UGT1A10: variants seen among roughly 807,000 people sequenced by gnomAD.
The protein encoded by UGT1A10 is UDP-glucuronosyltransferase 1A10.
In UGT1A10, 49 loss-of-function variants were observed where a neutral mutation model predicts 45.8. That is an observed-to-expected ratio of 1.07 (90% confidence interval 0.85 to 1.36). The LOEUF (loss-of-function observed/expected upper bound fraction) is 1.36, where lower values mean the gene tolerates loss of function less well. Among genes scored for constraint, UGT1A10 ranks in the 40% most tolerant of loss-of-function variants. The pLI is 0.00. For synonymous variants in UGT1A10, 284 were observed against 249.7 expected (o/e 1.14, Z -1.29); for missense variants, 745 against 668.6 (o/e 1.11, Z -1.26).
At chr2:233,747,587 T>C (rs1416788712) in intron 1 of UGT1A10, 8 of 1,579,890 alleles carry the variant, frequency 5.1e-6, no homozygotes, top group Non-Finnish European at 3.5e-6. Context: ...TGGTCTTTCA[T>C]AGGTCTTGTG....
intron 1 of UGT1A10, among the ~76,000 whole-genome samples, chr2:233,735,339 T>G (rs1056442673): frequency 6.6e-6 from 1 of 151,862 alleles, no homozygotes; most frequent in Non-Finnish European, 1.5e-5. Context: ...AACCCCTGCT[T>G]TTTTTTTGCT....
At chr2:233,735,872 G>A (rs1314533195) in intron 1 of UGT1A10, among the ~76,000 whole-genome samples, 1 of 152,196 alleles carries the variant, frequency 6.6e-6, no homozygotes, top group African/African-American at 2.4e-5. Context: ...TTTCTGCAGA[G>A]AGATCTGCTG....
At chr2:233,665,091 C>G (rs1157273547) in intron 1 of UGT1A10, among the ~76,000 whole-genome samples, 1 of 152,190 alleles carries the variant, frequency 6.6e-6, no homozygotes, top group Non-Finnish European at 1.5e-5. Context: ...TGCATATTCT[C>G]ACACCTATTT....
At position 233,693,441 on chromosome 2, in the gene UGT1A10, C is replaced by T. The variant is rs370800258; in HGVS notation, c.855+56064C>T. The T allele has an allele frequency of 1.7e-5, 27 of 1,614,026 alleles. No homozygotes were observed. In the African/African-American group the frequency reaches 3.2e-4, roughly 19 times the overall value. On this transcript the variant is annotated intron_variant, in intron 1 of 4. Coordinates refer to ENST00000344644, the MANE Select transcript of UGT1A10 (RefSeq NM_019075.4). ...TTCTTTAAGGAGAGCAAGTTTGATG[C>T]TCTTTTCACAGACCCAGCCTTACCC...
intron 1 of UGT1A10, among the ~76,000 whole-genome samples, chr2:233,660,515 GAA>G (rs1254489941): frequency 6.6e-6 from 1 of 152,130 alleles, no homozygotes; most frequent in African/African-American, 2.4e-5. Flanking sequence ...AACCAGTTTG[GAA>G]AAAGTGTTTC....
chr2:233,695,558 A>G (rs544000149), intron 1 of UGT1A10, among the ~76,000 whole-genome samples: 2 of 150,968 alleles, frequency 1.3e-5, no homozygotes, highest in South Asian at 2.1e-4. Context: ...TTAACCAACC[A>G]TTTTCACCCC....
chr2:233,725,463 A>G (rs1262858111), intron 1 of UGT1A10, among the ~76,000 whole-genome samples: 1 of 152,026 alleles, frequency 6.6e-6, no homozygotes, highest in Non-Finnish European at 1.5e-5. Flanking sequence ...AAACTTTTCT[A>G]GTGGGCATGT....
chr2:233,648,700 G>A (rs1311490149), intron 1 of UGT1A10: 6 of 395,314 alleles, frequency 1.5e-5, no homozygotes, highest in South Asian at 2.5e-5. Context: ...TCCTAACCTC[G>A]TGATCCGCCC....
chr2:233,727,414 G>A (rs1241262548), intron 1 of UGT1A10, among the ~76,000 whole-genome samples: 1 of 152,064 alleles, frequency 6.6e-6, no homozygotes, highest in East Asian at 1.9e-4. Context: ...GCCTCCTCAG[G>A]GTCTGGGAGT....
At chr2:233,718,680 G>C in intron 1 of UGT1A10, 1 of 1,570,166 alleles carries the variant, frequency 6.4e-7, no homozygotes, top group South Asian at 1.2e-5. Flanking sequence ...TGGGTAATAA[G>C]TAACTGGAGG....
chr2:233,772,615 T>C lies in UGT1A10; in HGVS notation c.*56T>C. ...AACCATTCCCTAGTCATTTCCAAAC[T>C]TGAAAACAGAATCAGTGTTAAATTC... On this transcript the variant is annotated 3_prime_UTR_variant, in exon 5 of 5. Coordinates refer to ENST00000344644, the MANE Select transcript of UGT1A10 (RefSeq NM_019075.4). 6.3e-7 allele frequency: 1 copy of C among 1,574,876 alleles called. No individual in the cohort carries two copies. The highest frequency in any genetic ancestry group is 8.6e-7 in the Non-Finnish European group (1 of 1,159,332).
intron 1 of UGT1A10, among the ~76,000 whole-genome samples, chr2:233,643,047 C>T (rs987150248): frequency 6.6e-6 from 1 of 152,212 alleles, no homozygotes; most frequent in Admixed American, 6.5e-5. Context: ...CTGTAACCAC[C>T]TCCTGGCTAC....
chr2:233,724,213 C>A (rs2077189704), intron 1 of UGT1A10, among the ~76,000 whole-genome samples: 1 of 128,892 alleles, frequency 7.8e-6, no homozygotes, highest in Non-Finnish European at 1.7e-5. Flanking sequence ...CTGAGGGGCT[C>A]CTCACTTCCC....
chr2:233,707,274 T>C (rs2075953274), intron 1 of UGT1A10, among the ~76,000 whole-genome samples: 3 of 152,166 alleles, frequency 2.0e-5, no homozygotes, highest in Admixed American at 2.0e-4. Flanking sequence ...TTATTTTAAG[T>C]TCCAGGGCAC....
chr2:233,759,816 G>T (rs540177588), intron 1 of UGT1A10, among the ~76,000 whole-genome samples: 2 of 152,284 alleles, frequency 1.3e-5, no homozygotes, highest in East Asian at 3.9e-4. Context: ...AGGCAGTACC[G>T]GGGGAGCTGT....
chr2:233,772,929 C>T lies in UGT1A10; in HGVS notation c.*370C>T, dbSNP rs1186146273. On this transcript the variant is annotated 3_prime_UTR_variant, in exon 5 of 5. Transcript: ENST00000344644. ...CCCTACTGCAAATGGCAGTTTTAAT[C>T]TTATCTTTTGGCTTCTGCAGATGGT... The T allele has an allele frequency of 5.6e-6, 2 of 355,154 alleles. No individual in the cohort carries two copies. Among genetic ancestry groups the T allele is most frequent in the Non-Finnish European group, 1.0e-5 (2 of 197,036 alleles). The allele number at this position is 355,154 out of a possible 1,614,324, so 22.0% of individuals were successfully genotyped here. A position where few individuals can be genotyped will look rare whatever the true frequency, so the allele number is the denominator to read the frequency against.
At chr2:233,760,319 T>C (rs201984525) in intron 1 of UGT1A10, 2 of 1,614,040 alleles carry the variant, frequency 1.2e-6, no homozygotes, top group Non-Finnish European at 1.7e-6. Context: ...GGACGCCCAC[T>C]TGTCCTGGGC....
At chr2:233,674,645 T>C (rs939691512) in intron 1 of UGT1A10, among the ~76,000 whole-genome samples, 1 of 117,198 alleles carries the variant, frequency 8.5e-6, no homozygotes, top group Non-Finnish European at 2.1e-5. Context: ...TGATTATAAA[T>C]ATCTTTTATG....
rs1373291361 is a variant in UGT1A10 at position 233,636,775 on chromosome 2, G to C, written c.253G>C (p.Asp85His). 2 of 1,614,224 alleles carry C rather than the reference G, an allele frequency of 1.2e-6. No homozygotes were observed. Among genetic ancestry groups the C allele is most frequent in the Admixed American group, 1.7e-5 (1 of 60,024 alleles). The change falls in exon 1 of 5, where the codon GAT becomes CAT. Residue 85 changes from aspartate to histidine, a missense_variant. By Grantham distance (81) the Asp-to-His change is moderately conservative (BLOSUM62 -1). Coordinates refer to ENST00000344644, the MANE Select transcript of UGT1A10 (RefSeq NM_019075.4). ...KTYSTSYTLE[D>H]QNREFMVFAH... The stretch of plus-strand genomic sequence containing the variant: ...TTACTCAACCTCGTACACTCTGGAA[G>C]ATCAGAACCGGGAATTCATGGTTTT...
Sources: allele counts gnomAD v4.1 joint callset (sites outside exome capture counted in the v4.1 genomes callset), GRCh38; gene constraint gnomAD v4.1.1; transcripts MANE v1.5; gene names NCBI Gene and HGNC (gene_info 2026-07-23, HGNC 2026-07-21).